Variants in KCNJ6 observed in about 807,000 individuals in gnomAD.
KCNJ6 encodes the protein G protein-activated inward rectifier potassium channel 2.
KCNJ6 carries 9 observed loss-of-function variants against 34.2 expected under a neutral mutation model. The observed-to-expected ratio is 0.26, with a 90% CI of 0.16 to 0.46. The LOEUF (loss-of-function observed/expected upper bound fraction) is 0.46, where lower values mean the gene tolerates loss of function less well. Among genes scored for constraint, KCNJ6 ranks in the 20% least tolerant of loss-of-function variants. KCNJ6 has a pLI of 1.00. For missense variants in KCNJ6, 236 were observed against 531.3 expected, an observed-to-expected ratio of 0.44 and a Z score of 5.46; for synonymous variants, 196 against 207.1, an observed-to-expected ratio of 0.95 and a Z score of 0.46.
Position 37,714,076 on chromosome 21 carries a change from A to G in KCNJ6, c.946+135T>C, listed in dbSNP as rs2054777034. The G allele has an allele frequency of 2.8e-6, 2 of 702,100 alleles. No homozygotes were observed. The highest frequency in any genetic ancestry group is 4.9e-6 in the Non-Finnish European group (2 of 405,868). The allele number at this position is 702,100 out of a possible 1,614,324, so 43.5% of individuals were successfully genotyped here. ...TTCAGGTGAGACATGTAGGCATACT[A>G]TGTCATGAAGCAAGGGGATGTTGTC... On this transcript the variant is annotated intron_variant, in intron 3 of 3. Transcript: ENST00000609713. This position sits in a 1 kb window ranked among gnomAD's most constrained non-coding sequence, Gnocchi z 5.9.
chr21:37,655,257 G>C (rs370978034), intron 3 of KCNJ6, among the ~76,000 whole-genome samples: 1 of 135,922 alleles, frequency 7.4e-6, no homozygotes, highest in Non-Finnish European at 1.6e-5. Flanking sequence ...GAGAGAGAGA[G>C]AGAGAGAGAG....
chr21:37,732,831 G>A (rs767111528), intron 2 of KCNJ6, among the ~76,000 whole-genome samples: 2 of 152,070 alleles, frequency 1.3e-5, no homozygotes, highest in Non-Finnish European at 2.9e-5. Flanking sequence ...GAGAAAAAAG[G>A]GTCCCAGGTA....
rs1293683609 is a variant in KCNJ6 at position 37,618,607 on chromosome 21, A to T, written c.*6552T>A. ...AAATGGGCAATTACACAAAGTCGGT[A>T]GGAACATTTCATTCTCTGAAATCAA... is the stretch of plus-strand genomic sequence containing the variant. On this transcript the variant is annotated 3_prime_UTR_variant, in exon 4 of 4. Transcript: ENST00000609713. The T allele has an allele frequency of 6.6e-6, 1 of 152,238 alleles. No homozygotes were observed. Among genetic ancestry groups the T allele is most frequent in the East Asian group, 1.9e-4 (1 of 5,202 alleles). The allele number at this position is 152,238 out of a possible 1,614,324, so 9.4% of individuals were successfully genotyped here.
At chr21:37,727,025 A>G (rs2123463581) in intron 2 of KCNJ6, among the ~76,000 whole-genome samples, 1 of 152,364 alleles carries the variant, frequency 6.6e-6, no homozygotes, top group East Asian at 1.9e-4. Context: ...ATAAGAGACG[A>G]GCAGAATTCA....
chr21:37,627,704 T>A (rs921984680), intron 3 of KCNJ6, among the ~76,000 whole-genome samples: 1 of 152,218 alleles, frequency 6.6e-6, no homozygotes, highest in Admixed American at 6.5e-5. Context: ...GAAGACCACA[T>A]GCATGTGTAA....
chr21:37,689,732 T>C (rs1420150439), intron 3 of KCNJ6, among the ~76,000 whole-genome samples: 1 of 152,016 alleles, frequency 6.6e-6, no homozygotes, highest in Non-Finnish European at 1.5e-5. Flanking sequence ...TTGAAACTCA[T>C]GGCCCACCGT....
chr21:37,781,376 T>C (rs1601468387), intron 2 of KCNJ6, among the ~76,000 whole-genome samples: 1 of 152,024 alleles, frequency 6.6e-6, no homozygotes, highest in East Asian at 1.9e-4. Flanking sequence ...AGCCTGGCAG[T>C]GTTAGATTTA....
intron 2 of KCNJ6, among the ~76,000 whole-genome samples, chr21:37,740,701 TAC>T (rs1462465318): frequency 2.0e-5 from 3 of 152,250 alleles, no homozygotes; most frequent in Non-Finnish European, 4.4e-5. Context: ...TCAAATATTT[TAC>T]AGAGTTTGAC....
Position 37,714,050 on chromosome 21 carries a change from C to G in KCNJ6, c.946+161G>C, listed in dbSNP as rs961092082. Among the ~76,000 whole-genome samples, 2 of 152,044 alleles carry G rather than the reference C, an allele frequency of 1.3e-5. No homozygotes were observed. Among genetic ancestry groups the G allele is most frequent in the Non-Finnish European group, 2.9e-5 (2 of 68,004 alleles). The stretch of plus-strand genomic sequence containing the variant: ...ATGGTTAGGCTTCTTGGTGGATATA[C>G]TTCAGGTGAGACATGTAGGCATACT... On this transcript the variant is annotated intron_variant, in intron 3 of 3. Transcript: ENST00000609713. The surrounding 1 kb of genome is among the most constrained non-coding windows in gnomAD (Gnocchi z 5.9).
chr21:37,676,971 T>A (rs990886438), intron 3 of KCNJ6, among the ~76,000 whole-genome samples: 2 of 152,226 alleles, frequency 1.3e-5, no homozygotes, highest in African/African-American at 4.8e-5. Flanking sequence ...ACCTGAGACC[T>A]TATTAGGAGT....
At chr21:37,648,947 C>G (rs1389479662) in intron 3 of KCNJ6, among the ~76,000 whole-genome samples, 1 of 151,978 alleles carries the variant, frequency 6.6e-6, no homozygotes, top group Admixed American at 6.5e-5. Context: ...GCCTGGCCAA[C>G]ATGGTGAAAC....
chr21:37,817,193 G>A (rs1051902042), intron 2 of KCNJ6, among the ~76,000 whole-genome samples: 7 of 152,120 alleles, frequency 4.6e-5, no homozygotes, highest in East Asian at 1.9e-4. Flanking sequence ...TTAGAATCAC[G>A]GCGAGGTGCT....
chr21:37,685,834 A>G (rs924425356), intron 3 of KCNJ6, among the ~76,000 whole-genome samples: 1 of 151,926 alleles, frequency 6.6e-6, no homozygotes, highest in Admixed American at 6.6e-5. Context: ...ATAAAGTATT[A>G]TTTTGCAATT....
chr21:37,782,004 A>G (rs897563638), intron 2 of KCNJ6, among the ~76,000 whole-genome samples: 11 of 152,246 alleles, frequency 7.2e-5, no homozygotes, highest in Non-Finnish European at 1.6e-4. Context: ...TGATTCTGTC[A>G]ATAACCTTGA....
At chr21:37,906,999 AGAG>A (rs1409851192) in intron 1 of KCNJ6, among the ~76,000 whole-genome samples, 6 of 152,182 alleles carry the variant, frequency 3.9e-5, no homozygotes, top group African/African-American at 9.7e-5. Context: ...AGATTTCTTG[AGAG>A]GAGGAATTAT....
rs111935823 is a variant in KCNJ6 at position 37,695,703 on chromosome 21, C to T, written c.946+18508G>A. ...GCAGCCAGTTAAGCTGGGCTAGAAC[C>T]GACCTCTTTTGTAAATGGAGGGACC... is the stretch of plus-strand genomic sequence containing the variant. On this transcript the variant is annotated intron_variant, in intron 3 of 3. Transcript: ENST00000609713. The surrounding 1 kb of genome is among the most constrained non-coding windows in gnomAD (Gnocchi z 4.2). Among the ~76,000 whole-genome samples, 86 of 152,230 alleles carry T rather than the reference C, an allele frequency of 5.6e-4. No homozygotes were observed. The highest frequency in any genetic ancestry group is 1.8e-3 in the African/African-American group (75 of 41,534).
chr21:37,906,526 T>C (rs972569753), intron 1 of KCNJ6, among the ~76,000 whole-genome samples: 1 of 152,180 alleles, frequency 6.6e-6, no homozygotes, highest in African/African-American at 2.4e-5. Context: ...GTCCTCAGGG[T>C]TCCTGATCCA....
intron 1 of KCNJ6, among the ~76,000 whole-genome samples, chr21:37,881,442 A>G (rs1004987183): frequency 2.0e-5 from 3 of 151,142 alleles, no homozygotes; most frequent in Non-Finnish European, 2.9e-5. Context: ...CTCTTGCTAT[A>G]TCTTCACTTG....
intron 3 of KCNJ6, among the ~76,000 whole-genome samples, chr21:37,657,131 C>A (rs1414780608): frequency 1.3e-5 from 2 of 152,164 alleles, no homozygotes; most frequent in Non-Finnish European, 2.9e-5. Flanking sequence ...CCACCCAGAA[C>A]CCCTGCCTCA....
Sources: gnomAD v4.1 joint callset for allele counts (sites outside exome capture counted in the v4.1 genomes callset) on GRCh38, gnomAD v4.1.1 for gene constraint, Gnocchi (gnomAD v3.1) non-coding constraint, MANE v1.5 for transcripts, NCBI Gene and HGNC (gene_info 2026-07-23, HGNC 2026-07-21) for gene names.